MARCHF8: variants seen among roughly 807,000 people sequenced by gnomAD.
MARCHF8 encodes the protein membrane associated ring-CH-type finger 8.
A neutral mutation model predicts 51.6 loss-of-function variants in MARCHF8; 40 were observed. The observed-to-expected ratio is 0.77, with a 90% CI of 0.60 to 1.01. The LOEUF is 1.01. MARCHF8 is among the 50% of genes least tolerant of loss of function. The probability of loss-of-function intolerance (pLI) is 0.00; values close to 1 mark genes in which losing one functional copy is unlikely to be tolerated. For missense variants in MARCHF8, 685 were observed against 708.6 expected (o/e 0.97, Z 0.38); for synonymous variants, 263 against 280.3 (o/e 0.94, Z 0.62).
chr10:45,478,094 A>G lies in MARCHF8; in HGVS notation c.153+11273T>C, dbSNP rs181366977. Among the ~76,000 whole-genome samples, 259 of 152,358 alleles carry G rather than the reference A, an allele frequency of 1.7e-3. 1 individual carries two copies. The highest frequency in any genetic ancestry group is 4.7e-3 in the African/African-American group (195 of 41,572). ...AGACAGTTACAGAACGTTTCATCCAACAACTACAGAATACACATTTCTCAG... is the reference window on the plus strand; with the variant it reads ...AGACAGTTACAGAACGTTTCATCCAGCAACTACAGAATACACATTTCTCAG... On this transcript the variant is annotated intron_variant, in intron 3 of 7. Coordinates refer to ENST00000453424, the MANE Select transcript of MARCHF8 (RefSeq NM_001282866.2).
intron 1 of MARCHF8, among the ~76,000 whole-genome samples, chr10:45,582,609 T>C (rs2133426776): frequency 6.6e-6 from 1 of 152,316 alleles, no homozygotes; most frequent in Non-Finnish European, 1.5e-5. Flanking sequence ...GCAAGGCTGC[T>C]TGCCAGAGGT....
intron 2 of MARCHF8, among the ~76,000 whole-genome samples, chr10:45,493,650 G>T (rs1261840711): frequency 6.6e-6 from 1 of 152,142 alleles, no homozygotes; most frequent in Admixed American, 6.5e-5. Flanking sequence ...GTCTAGGGGG[G>T]ACTCAGATTT....
intron 2 of MARCHF8, among the ~76,000 whole-genome samples, chr10:45,515,065 A>C (rs941518930): frequency 2.0e-5 from 3 of 152,348 alleles, no homozygotes; most frequent in African/African-American, 7.2e-5. Flanking sequence ...GTTTCAGGCT[A>C]TAAATAAATC....
chr10:45,531,636 CTCAT>C (rs1425471924), intron 2 of MARCHF8, among the ~76,000 whole-genome samples: 2 of 152,144 alleles, frequency 1.3e-5, no homozygotes, highest in Admixed American at 6.5e-5. Flanking sequence ...TTCATATTCA[CTCAT>C]TCATTCATTC....
intron 2 of MARCHF8, among the ~76,000 whole-genome samples, chr10:45,496,598 T>C (rs2043178734): frequency 6.6e-6 from 1 of 152,100 alleles, no homozygotes; most frequent in African/African-American, 2.4e-5. Context: ...TTCCTTTATG[T>C]CTTTAAAAGA....
chr10:45,481,480 C>T (rs74796793), intron 3 of MARCHF8, among the ~76,000 whole-genome samples: 9,435 of 151,872 alleles, frequency 0.062, 333 homozygotes, highest in Non-Finnish European at 0.068. Flanking sequence ...TCCCATGTGT[C>T]GTGGGAGGGA....
intron 2 of MARCHF8, among the ~76,000 whole-genome samples, chr10:45,511,842 G>A (rs1462926789): frequency 3.9e-5 from 6 of 152,138 alleles, no homozygotes; most frequent in Non-Finnish European, 8.8e-5. Context: ...CGTCTGGGAA[G>A]TGAGGAGCGT....
chr10:45,566,149 G>A (rs1314188470), intron 1 of MARCHF8, among the ~76,000 whole-genome samples: 1 of 152,148 alleles, frequency 6.6e-6, no homozygotes, highest in African/African-American at 2.4e-5. Flanking sequence ...TTAGATTTCT[G>A]TGGGCACACA....
Position 45,463,816 on chromosome 10 carries a change from C to G in MARCHF8, c.423G>C (p.Lys141Asn). 2.6e-6 allele frequency: 4 copies of G among 1,548,304 alleles called. No individual in the cohort carries two copies. The highest frequency in any genetic ancestry group is 3.5e-6 in the Non-Finnish European group (4 of 1,147,078). Residue 141 changes from lysine (K) to asparagine (N), a missense_variant, in exon 5 of 8, where the codon AAG (lysine) becomes AAC (asparagine). Lys to Asn is a moderately conservative substitution (Grantham distance 94). Transcript: ENST00000453424. ...SFGSEWAQAL[K>N]PAKNTKARRT... ...TTCTGGCTTTGGTATTCTTAGCAGG[C>G]TTCAAGGCCTGGGCCCATTCTGAAC...
chr10:45,583,172 T>C (rs1024249796), intron 1 of MARCHF8, among the ~76,000 whole-genome samples: 3 of 152,216 alleles, frequency 2.0e-5, no homozygotes, highest in African/African-American at 7.2e-5. Flanking sequence ...AGTATTATTT[T>C]GATAAAAATT....
At chr10:45,505,864 AGC>A (rs2043371419) in intron 2 of MARCHF8, among the ~76,000 whole-genome samples, 1 of 152,228 alleles carries the variant, frequency 6.6e-6, no homozygotes, top group Non-Finnish European at 1.5e-5. Flanking sequence ...CTGGGAAGAG[AGC>A]AACTCTTTGA....
chr10:45,533,668 C>T (rs1161229736), intron 1 of MARCHF8, among the ~76,000 whole-genome samples: 1 of 152,124 alleles, frequency 6.6e-6, no homozygotes, highest in Admixed American at 6.5e-5. Context: ...TTCCTTAAAA[C>T]CACTGTCTGT....
chr10:45,559,545 C>T lies in MARCHF8; in HGVS notation c.-78-26256G>A, dbSNP rs118039797. Among the ~76,000 whole-genome samples, 301 of 152,212 alleles carry T rather than the reference C, an allele frequency of 2.0e-3. 1 individual carries two copies. The highest frequency in any genetic ancestry group is 3.3e-3 in the Non-Finnish European group (227 of 68,006). Reference sequence around the variant, plus strand: ...TAATGTTTGTATTTTTTAGTAGAGACGGGATTTCATTGGCCATTTCTTATA... The same window carrying T: ...TAATGTTTGTATTTTTTAGTAGAGATGGGATTTCATTGGCCATTTCTTATA... On this transcript the variant is annotated intron_variant, in intron 1 of 6. Coordinates refer to the MARCHF8 transcript ENST00000319836.
chr10:45,492,174 G>T lies in MARCHF8; in HGVS notation c.103-2757C>A, dbSNP rs541035894. On this transcript the variant is annotated intron_variant, in intron 2 of 7. Transcript: ENST00000453424. Reference sequence around the variant, plus strand: ...ACAGGGGTTTTAAAGCCTGAAACCTGTCAATATTTAGGGTTGCTTCTCCAC... The same window carrying T: ...ACAGGGGTTTTAAAGCCTGAAACCTTTCAATATTTAGGGTTGCTTCTCCAC... Among the ~76,000 whole-genome samples the T allele has an allele frequency of 2.0e-5, 3 of 152,274 alleles. No individual in the cohort carries two copies. The East Asian group carries it at 5.8e-4, about 29-fold the overall frequency.
chr10:45,521,718 G>A (rs980507958), intron 2 of MARCHF8, among the ~76,000 whole-genome samples: 3 of 152,126 alleles, frequency 2.0e-5, no homozygotes, highest in African/African-American at 7.2e-5. Context: ...CTACTGCGAC[G>A]CTTTCTTCAG....
chr10:45,580,003 CAAAAAAAAAAAAAA>C (rs34446338), intron 1 of MARCHF8, among the ~76,000 whole-genome samples: 15 of 36,438 alleles, frequency 4.1e-4, no homozygotes, highest in Admixed American at 3.5e-3. Context: ...ACTCCGTCTC[CAAAAAAAAAAAAAA>C]AAAAAAAAAA....
intron 1 of MARCHF8, among the ~76,000 whole-genome samples, chr10:45,555,046 T>C (rs776113859): frequency 6.7e-6 from 1 of 149,188 alleles, no homozygotes; most frequent in Non-Finnish European, 1.5e-5. Context: ...AGAGTGAGAC[T>C]CTGTCTCCAA....
intron 3 of MARCHF8, among the ~76,000 whole-genome samples, chr10:45,485,169 T>C (rs186510162): frequency 6.6e-6 from 1 of 152,180 alleles, no homozygotes; most frequent in Non-Finnish European, 1.5e-5. Context: ...ATCCCATCAC[T>C]GGTTCTGCAG....
At chr10:45,569,872 A>C (rs1041815663) in intron 1 of MARCHF8, among the ~76,000 whole-genome samples, 1 of 152,234 alleles carries the variant, frequency 6.6e-6, no homozygotes, top group African/African-American at 2.4e-5. Context: ...GAAAAAAACA[A>C]GACCCAATTA....
Sources: allele counts gnomAD v4.1 joint callset (sites outside exome capture counted in the v4.1 genomes callset), GRCh38; gene constraint gnomAD v4.1.1; transcripts MANE v1.5; gene names NCBI Gene and HGNC (gene_info 2026-07-23, HGNC 2026-07-21).